Variants in PARD3B observed in about 807,000 individuals in gnomAD.
PARD3B encodes the protein par-3 family cell polarity regulator beta.
In PARD3B, 103 loss-of-function variants were observed where a neutral mutation model predicts 130.2. The ratio of observed to expected loss-of-function variants is 0.79; its 90% confidence interval spans 0.67 to 0.93. PARD3B has a LOEUF of 0.93. PARD3B is among the 40% of genes least tolerant of loss of function. The probability of loss-of-function intolerance (pLI) is 0.00; values close to 1 mark genes in which losing one functional copy is unlikely to be tolerated. For missense variants in PARD3B, 1,609 were observed against 1,499.2 expected (o/e 1.07, Z -1.21); for synonymous variants, 583 against 553.2 (o/e 1.05, Z -0.76).
At chr2:204,560,459 G>A (rs1312718999) in intron 1 of PARD3B, among the ~76,000 whole-genome samples, 2 of 152,044 alleles carry the variant, frequency 1.3e-5, no homozygotes, top group African/African-American at 4.8e-5. Flanking sequence ...GTGCTTTGGG[G>A]CAAGGGGAGG....
At chr2:205,296,663 A>ATGTGTGTGTGTG (rs3048084) in intron 16 of PARD3B, among the ~76,000 whole-genome samples, 1 of 137,928 alleles carries the variant, frequency 7.3e-6, no homozygotes. Context: ...GTGTTTGTGT[A>ATGTGTGTGTGTG]TGTGTGTGTG....
In PARD3B at chr2:205,460,425, GATGATGATGATA is replaced by G. The variant is rs1199534381; in HGVS notation, c.3044+19754_3044+19765del. Reference sequence around the variant, plus strand: ...TGATGATGATGATGATGATGATGATGATGATGATGATAGTCAATAGTAGTATTTATTGTATAT... The same window carrying G: ...TGATGATGATGATGATGATGATGATGGTCAATAGTAGTATTTATTGTATAT... On this transcript the variant is annotated intron_variant, in intron 20 of 22. Coordinates refer to ENST00000406610, the MANE Select transcript of PARD3B (RefSeq NM_001302769.2). The surrounding 1 kb of genome is among the most constrained non-coding windows in gnomAD (Gnocchi z 4.9). Among the ~76,000 whole-genome samples the G allele has an allele frequency of 6.6e-6, 1 of 151,588 alleles. No homozygotes were observed. Among genetic ancestry groups the G allele is most frequent in the African/African-American group, 2.4e-5 (1 of 41,166 alleles).
At chr2:204,888,908 A>C (rs542185271) in intron 2 of PARD3B, among the ~76,000 whole-genome samples, 1 of 152,258 alleles carries the variant, frequency 6.6e-6, no homozygotes, top group East Asian at 1.9e-4. Flanking sequence ...GGTAAATTGT[A>C]TATAAGCTAA....
At chr2:205,535,707 C>A (rs2051820774) in intron 21 of PARD3B, among the ~76,000 whole-genome samples, 1 of 152,156 alleles carries the variant, frequency 6.6e-6, no homozygotes, top group Non-Finnish European at 1.5e-5. Context: ...ATTCTGCCAC[C>A]TTTATAATTT....
chr2:204,999,066 T>C (rs141862116), intron 3 of PARD3B, among the ~76,000 whole-genome samples: 173 of 152,198 alleles, frequency 1.1e-3, no homozygotes, highest in Non-Finnish European at 1.9e-3. Context: ...GTAATCTTTT[T>C]TATGCATCGC....
chr2:204,704,975 C>T (rs2038067113), intron 2 of PARD3B, among the ~76,000 whole-genome samples: 1 of 151,948 alleles, frequency 6.6e-6, no homozygotes, highest in African/African-American at 2.4e-5. Flanking sequence ...TTAGAGCTGC[C>T]CAATTTTAAT....
intron 2 of PARD3B, among the ~76,000 whole-genome samples, chr2:204,868,918 A>C (rs1010964069): frequency 1.2e-4 from 19 of 152,170 alleles, no homozygotes; most frequent in African/African-American, 4.6e-4. Context: ...ATTTGTACTT[A>C]AAAGCCAACA....
At chr2:205,099,155 C>T (rs895962817) in intron 4 of PARD3B, among the ~76,000 whole-genome samples, 7 of 152,082 alleles carry the variant, frequency 4.6e-5, no homozygotes, top group African/African-American at 9.7e-5. Context: ...TTTGAAATAG[C>T]TCTATACCTT....
In PARD3B at chr2:205,380,883, TAATATATAAAGAA is replaced by T. The variant is rs1162860568; in HGVS notation, c.2631-20129_2631-20117del. Among the ~76,000 whole-genome samples, 590 of 98,254 alleles carry T rather than the reference TAATATATAAAGAA, an allele frequency of 6.0e-3. 4 individuals are homozygous for T. The highest frequency in any genetic ancestry group is 9.0e-3 in the Non-Finnish European group (513 of 56,938). 64.5% of individuals were successfully genotyped at this position (98,254 alleles called of 152,430 possible). On this transcript the variant is annotated intron_variant, in intron 18 of 22. Transcript: ENST00000406610. ...TATATATAATATAAAGAATACATTA[TAATATATAAAGAA>T]TATATATAATATATAAAGAATATAT...
intron 21 of PARD3B, among the ~76,000 whole-genome samples, chr2:205,540,258 G>A (rs934561923): frequency 6.6e-6 from 1 of 152,018 alleles, no homozygotes; most frequent in East Asian, 1.9e-4. Context: ...GAATTGGCAG[G>A]TTTGAGGTTA....
At chr2:204,984,157 A>G (rs1306864608) in intron 3 of PARD3B, among the ~76,000 whole-genome samples, 1 of 152,012 alleles carries the variant, frequency 6.6e-6, no homozygotes, top group East Asian at 1.9e-4. Context: ...TAAAATTTTC[A>G]CAGTAATTTC....
rs940419295 is a variant in PARD3B at position 205,102,633 on chromosome 2, T to G, written c.505-1793T>G. 2.6e-5 allele frequency among the ~76,000 whole-genome samples: 4 copies of G among 152,196 alleles called. No individual in the cohort carries two copies. In the East Asian group the frequency reaches 7.7e-4, roughly 29 times the overall value. On this transcript the variant is annotated intron_variant, in intron 4 of 22. Transcript: ENST00000406610. ...GGAGAAAATTAATTTTTTAAAAGTC[T>G]AGAGTAGACCAAGTGTTTCACAAAA...
In PARD3B at chr2:205,461,223, A is replaced by G. The variant is rs937074030; in HGVS notation, c.3044+20551A>G. Among the ~76,000 whole-genome samples the G allele has an allele frequency of 1.3e-5, 2 of 152,214 alleles. No homozygotes were observed. The highest frequency in any genetic ancestry group is 3.9e-4 in the East Asian group (2 of 5,194). On this transcript the variant is annotated intron_variant, in intron 20 of 22. Transcript: ENST00000406610. This position sits in a 1 kb window ranked among gnomAD's most constrained non-coding sequence, Gnocchi z 4.3. ...GTCGAGACTCAAAGAGTGAGTAGCC[A>G]TGAGAATTTGGGTGCTGAAAGAGGC...
intron 19 of PARD3B, among the ~76,000 whole-genome samples, chr2:205,406,327 A>G (rs1418608933): frequency 6.6e-6 from 1 of 152,082 alleles, no homozygotes; most frequent in Non-Finnish European, 1.5e-5. Flanking sequence ...ATACTAATGG[A>G]GCATTATTTT....
chr2:205,311,563 T>A (rs750142851), intron 18 of PARD3B, among the ~76,000 whole-genome samples: 1 of 152,220 alleles, frequency 6.6e-6, no homozygotes, highest in East Asian at 1.9e-4. Flanking sequence ...TCAAGCAAGA[T>A]ACGTTTGGAA....
chr2:204,910,836 G>A (rs2047208040), intron 2 of PARD3B, among the ~76,000 whole-genome samples: 1 of 152,042 alleles, frequency 6.6e-6, no homozygotes, highest in Non-Finnish European at 1.5e-5. Flanking sequence ...TAGAGACTGG[G>A]TTTCACTTTG....
chr2:205,006,247 C>T (rs1695257722), intron 3 of PARD3B, among the ~76,000 whole-genome samples: 1 of 152,160 alleles, frequency 6.6e-6, no homozygotes, highest in Non-Finnish European at 1.5e-5. Context: ...CGTATCTTTG[C>T]AGTTGCAAAT....
chr2:205,320,221 GAGGAAGGAAGGAAGGAAGGAATGA>G (rs1559657391), intron 18 of PARD3B, among the ~76,000 whole-genome samples: 1 of 134,708 alleles, frequency 7.4e-6, no homozygotes, highest in Non-Finnish European at 1.6e-5. Flanking sequence ...GGGTGGGGGG[GAGGAAGGAAGGAAGGAAGGAATGA>G]AGGAAGGAAG....
At chr2:205,501,054 A>G (rs563529149) in intron 21 of PARD3B, among the ~76,000 whole-genome samples, 4 of 152,120 alleles carry the variant, frequency 2.6e-5, no homozygotes, top group Non-Finnish European at 5.9e-5. Flanking sequence ...AGTGGGGAGA[A>G]TAGAGTCTGG....
Sources: allele counts gnomAD v4.1 joint callset (sites outside exome capture counted in the v4.1 genomes callset), GRCh38; gene constraint gnomAD v4.1.1; non-coding constraint Gnocchi (gnomAD v3.1); transcripts MANE v1.5; gene names NCBI Gene and HGNC (gene_info 2026-07-23, HGNC 2026-07-21).